The following CIMAP1A variants were observed in gnomAD, a reference collection of about 807,000 sequenced individuals.
CIMAP1A encodes the protein ciliary microtubule associated protein 1A, also known as cancer/testis antigen 135.
At chr11:199,464 G>T in the CIMAP1A span, 1 of 1,562,804 alleles carries the variant, frequency 6.4e-7, no homozygotes, top group Non-Finnish European at 8.7e-7. Context: ...AGCCCCCAGG[G>T]GACAAGACCC....
the CIMAP1A span, chr11:198,462 A>C: frequency 3.1e-6 from 5 of 1,613,244 alleles, no homozygotes; most frequent in Non-Finnish European, 4.2e-6. Context: ...TCCACCCTGC[A>C]GGCCCCGCTG....
chr11:199,653 GT>G, the CIMAP1A span: 3 of 1,405,962 alleles, frequency 2.1e-6, no homozygotes, highest in Non-Finnish European at 1.9e-6. Context: ...CCAAGAAGGG[GT>G]GGAGGGGTGG....
At chr11:199,739 G>A in the CIMAP1A span, 44 of 1,436,020 alleles carry the variant, frequency 3.1e-5, no homozygotes, top group Non-Finnish European at 4.0e-5. Context: ...AACCCTTCAG[G>A]GACATGGAAG....
chr11:199,176 A>G, the CIMAP1A span: 2 of 1,423,960 alleles, frequency 1.4e-6, no homozygotes, highest in Non-Finnish European at 9.2e-7. Context: ...GGAGGAAGTG[A>G]CCCCCACATG....
the CIMAP1A span, chr11:198,497 G>C: frequency 1.2e-6 from 2 of 1,613,214 alleles, no homozygotes; most frequent in Non-Finnish European, 1.7e-6. Context: ...ATGGTAATGG[G>C]GCCCAATACC....
the CIMAP1A span, chr11:199,103 G>A: frequency 2.5e-5 from 33 of 1,332,874 alleles, no homozygotes; most frequent in African/African-American, 1.5e-4. Flanking sequence ...TCTCACACAC[G>A]CTCAGCGATG....
the CIMAP1A span, chr11:199,271 GCTGACC>G: frequency 7.3e-6 from 11 of 1,510,714 alleles, no homozygotes; most frequent in East Asian, 2.7e-4. Flanking sequence ...CCAACTTGTA[GCTGACC>G]CTGTTGACTC....
the CIMAP1A span, chr11:199,201 C>G: frequency 6.9e-7 from 1 of 1,439,726 alleles, no homozygotes; most frequent in Non-Finnish European, 9.1e-7. Context: ...ACCCCACAAG[C>G]AGTGGGGTGT....
the CIMAP1A span, chr11:198,750 T>C: frequency 6.9e-7 from 1 of 1,448,714 alleles, no homozygotes; most frequent in Non-Finnish European, 9.1e-7. Flanking sequence ...ACTGCAGTGG[T>C]GAGGAGGGGC....
chr11:199,504 G>C, the CIMAP1A span: 1 of 1,554,664 alleles, frequency 6.4e-7, no homozygotes, highest in Non-Finnish European at 8.7e-7. Context: ...CCACAGCCCT[G>C]AGAAGGTCCA....
chr11:199,222 G>C, the CIMAP1A span: 1 of 1,467,838 alleles, frequency 6.8e-7, no homozygotes, highest in Non-Finnish European at 9.0e-7. Flanking sequence ...GATCTCCACA[G>C]TGTGACAGAA....
the CIMAP1A span, chr11:199,059 A>G: frequency 2.4e-6 from 3 of 1,248,510 alleles, no homozygotes; most frequent in African/African-American, 3.0e-5. Flanking sequence ...TGCCAGCCCC[A>G]GGCCCTCAGG....
At chr11:199,633 A>T in the CIMAP1A span, 1 of 1,334,256 alleles carries the variant, frequency 7.5e-7, no homozygotes, top group Non-Finnish European at 9.7e-7. Context: ...CAGGCTATGG[A>T]AGGACACAGC....
At chr11:197,857 G>C in the CIMAP1A span, 5 of 1,511,890 alleles carry the variant, frequency 3.3e-6, no homozygotes, top group Non-Finnish European at 3.6e-6. Flanking sequence ...GGGTGTGGGA[G>C]AGCTCAGCCA....
chr11:199,214 T>A, the CIMAP1A span: 4 of 1,455,480 alleles, frequency 2.7e-6, no homozygotes, highest in Non-Finnish European at 3.6e-6. Context: ...TGGGGTGTGA[T>A]CTCCACAGTG....
the CIMAP1A span, chr11:198,064 G>A: frequency 1.9e-6 from 3 of 1,543,484 alleles, no homozygotes; most frequent in African/African-American, 4.2e-5. Context: ...GACACCCCCT[G>A]ACCCGACTTG....
the CIMAP1A span, chr11:199,058 C>T: frequency 4.0e-6 from 5 of 1,250,020 alleles, no homozygotes; most frequent in Non-Finnish European, 5.1e-6. Flanking sequence ...TTGCCAGCCC[C>T]AGGCCCTCAG....
At chr11:198,256 C>T in the CIMAP1A span, 4 of 1,613,992 alleles carry the variant, frequency 2.5e-6, no homozygotes, top group African/African-American at 1.3e-5. Flanking sequence ...CCCAGCCACT[C>T]CATCTCTGCC....
At chr11:198,370 G>T in the CIMAP1A span, 1 of 1,613,332 alleles carries the variant, frequency 6.2e-7, no homozygotes. Flanking sequence ...GTGACATGGG[G>T]CAGCCCGACG....
Sources: allele counts gnomAD v4.1 joint callset, GRCh38; gene constraint gnomAD v4.1.1; transcripts MANE v1.5; gene names NCBI Gene and HGNC (gene_info 2026-07-23, HGNC 2026-07-21).